ARHGAP8: variants seen among roughly 807,000 people sequenced by gnomAD.
ARHGAP8 encodes the protein Rho GTPase activating protein 8.
A neutral mutation model predicts 46.1 loss-of-function variants in ARHGAP8; 62 were observed. The ratio of observed to expected loss-of-function variants is 1.34; its 90% CI spans 1.10 to 1.66. The LOEUF (loss-of-function observed/expected upper bound fraction) is 1.66, where lower values mean the gene tolerates loss of function less well. Among genes scored for constraint, ARHGAP8 ranks in the 40% most tolerant of loss-of-function variants. The probability of loss-of-function intolerance (pLI) is 0.00; values close to 1 mark genes in which losing one functional copy is unlikely to be tolerated. For missense variants in ARHGAP8, 923 were observed against 568.4 expected (o/e 1.62, Z -6.34); for synonymous variants, 375 against 243.1 (o/e 1.54, Z -5.05).
At chr22:44,856,652 T>C (rs1427442478) in intron 10 of ARHGAP8, among the ~76,000 whole-genome samples, 1 of 144,200 alleles carries the variant, frequency 6.9e-6, no homozygotes, top group Admixed American at 6.7e-5. Flanking sequence ...TAAAGGCAAG[T>C]TCTCAGGACA....
At position 44,800,100 on chromosome 22, in the gene ARHGAP8, C is replaced by CTTTT. The variant is rs769010356; in HGVS notation, c.80-1959_80-1956dup. 2.1e-4 allele frequency among the ~76,000 whole-genome samples: 19 copies of CTTTT among 92,546 alleles called. 1 individual carries two copies. Among genetic ancestry groups the CTTTT allele is most frequent in the Non-Finnish European group, 2.4e-4 (12 of 49,172 alleles). 60.7% of individuals were successfully genotyped at this position (92,546 alleles called of 152,430 possible). The stretch of plus-strand genomic sequence containing the variant: ...CCTCTCCTTCAGGAGTCTGTTCTGT[C>CTTTT]TTTTTTTTTTTTTTTTTTTTTGAGA... On this transcript the variant is annotated intron_variant, in intron 2 of 11. Transcript: ENST00000356099.
At chr22:44,774,116 A>T (rs1029421843) in intron 1 of ARHGAP8, among the ~76,000 whole-genome samples, 4 of 152,194 alleles carry the variant, frequency 2.6e-5, no homozygotes, top group Non-Finnish European at 5.9e-5. Context: ...TGGCTGCAGG[A>T]TGCACACTCA....
intron 11 of ARHGAP8, among the ~76,000 whole-genome samples, chr22:44,861,963 C>A (rs969408263): frequency 2.0e-5 from 3 of 152,224 alleles, no homozygotes; most frequent in East Asian, 1.9e-4. Flanking sequence ...GTCTGTGCTA[C>A]AGCCCATCCC....
chr22:44,814,656 C>T lies in ARHGAP8; in HGVS notation c.300-16C>T, dbSNP rs370341190. 1.9e-6 allele frequency: 3 copies of T among 1,611,578 alleles called. No individual in the cohort carries two copies. The highest frequency in any genetic ancestry group is 1.3e-5 in the African/African-American group (1 of 74,722). ...GAGCGCGGCAGCCTGAAGTCATCCC[C>T]CGTTTCCCTCCTCAGGTACAAGAAG... On this transcript the variant is annotated splice_polypyrimidine_tract_variant and intron_variant, in intron 4 of 11. Coordinates refer to ENST00000356099, the MANE Select transcript of ARHGAP8 (RefSeq NM_181335.3).
intron 9 of ARHGAP8, 105 bp from the exon 10 acceptor site, chr22:44,848,827 T>C (rs1601518225): frequency 6.4e-7 from 1 of 1,557,282 alleles, no homozygotes; most frequent in South Asian, 1.2e-5. Flanking sequence ...CAGCATCAGG[T>C]GCGTCCCATC....
intron 1 of ARHGAP8, among the ~76,000 whole-genome samples, chr22:44,754,338 TTGTGTGTGTGTGTG>T (rs35257490): frequency 5.5e-5 from 8 of 146,624 alleles, no homozygotes; most frequent in African/African-American, 1.5e-4. Context: ...CATTGAAACT[TTGTGTGTGTGTGTG>T]TGTGTGTGTG....
At chr22:44,779,298 A>G (rs1926659128) in intron 1 of ARHGAP8, among the ~76,000 whole-genome samples, 9 of 151,806 alleles carry the variant, frequency 5.9e-5, no homozygotes, top group Admixed American at 5.9e-4. Flanking sequence ...ATGGGGTTTC[A>G]CCATGTTGAC....
At chr22:44,857,255 T>G (rs2070253341) in intron 10 of ARHGAP8, among the ~76,000 whole-genome samples, 1 of 152,090 alleles carries the variant, frequency 6.6e-6, no homozygotes, top group Non-Finnish European at 1.5e-5. Flanking sequence ...TAAGAATTCT[T>G]TCTTTTGGCC....
At chr22:44,802,197 G>A in intron 3 of ARHGAP8, 33 bp downstream of exon 3, 1 of 1,611,878 alleles carries the variant, frequency 6.2e-7, no homozygotes, top group Non-Finnish European at 8.5e-7. Context: ...TTCTGTCCCT[G>A]TCTCTCCATG....
chr22:44,804,931 G>C (rs1928830019), intron 3 of ARHGAP8, among the ~76,000 whole-genome samples: 1 of 152,192 alleles, frequency 6.6e-6, no homozygotes, highest in Non-Finnish European at 1.5e-5. Context: ...GCTGCACGGC[G>C]AGACCTGCAG....
intron 1 of ARHGAP8, chr22:44,765,992 C>T (rs1925528399): frequency 6.6e-6 from 1 of 152,352 alleles, no homozygotes; most frequent in Non-Finnish European, 1.5e-5. Flanking sequence ...GGCACTGGGG[C>T]TCCGCCTGGA....
intron 3 of ARHGAP8, among the ~76,000 whole-genome samples, chr22:44,806,152 G>T (rs1207071722): frequency 6.6e-6 from 1 of 152,202 alleles, no homozygotes; most frequent in African/African-American, 2.4e-5. Context: ...GAGGAGGAGT[G>T]AAGAGTTCTC....
At chr22:44,856,418 C>T (rs947279662) in intron 10 of ARHGAP8, among the ~76,000 whole-genome samples, 1 of 151,844 alleles carries the variant, frequency 6.6e-6, no homozygotes, top group African/African-American at 2.4e-5. Flanking sequence ...GGATTACAGG[C>T]ACCCGCCACC....
Position 44,808,457 on chromosome 22 carries a change from T to C in ARHGAP8, c.299+19T>C. On this transcript the variant is annotated intron_variant, in intron 4 of 11. Coordinates refer to ENST00000356099, the MANE Select transcript of ARHGAP8 (RefSeq NM_181335.3). ...ATAGGAAGTACGTGCCCGCAAGCCT[T>C]CAGGGACGTGGGTGTGGGCTGCTTG... is the stretch of plus-strand genomic sequence containing the variant. 1 of 1,613,036 alleles carries C rather than the reference T, an allele frequency of 6.2e-7. No homozygotes were observed. Among genetic ancestry groups the C allele is most frequent in the Non-Finnish European group, 8.5e-7 (1 of 1,179,528 alleles).
chr22:44,827,336 G>T (rs1446942014), intron 7 of ARHGAP8, among the ~76,000 whole-genome samples: 37 of 67,268 alleles, frequency 5.5e-4, no homozygotes, highest in Admixed American at 1.3e-3. Context: ...TTGGGTGGTG[G>T]TTTTTTTTTT....
intron 7 of ARHGAP8, among the ~76,000 whole-genome samples, chr22:44,835,659 A>G (rs1319946169): frequency 6.6e-6 from 1 of 152,134 alleles, no homozygotes; most frequent in Non-Finnish European, 1.5e-5. Flanking sequence ...CTCTTCAGAG[A>G]ATACAACTTT....
intron 1 of ARHGAP8, among the ~76,000 whole-genome samples, chr22:44,766,403 C>CGT (rs199946393): frequency 0.063 from 9,574 of 151,596 alleles, 447 homozygotes; most frequent in Non-Finnish European, 0.1. Context: ...TGTGTGGGCA[C>CGT]GTGTGTGTGT....
chr22:44,767,959 G>C (rs959506537), intron 1 of ARHGAP8, among the ~76,000 whole-genome samples: 1 of 119,652 alleles, frequency 8.4e-6, no homozygotes, highest in African/African-American at 3.1e-5. Context: ...TCCTAGATTT[G>C]TCAGATTTCC....
intron 7 of ARHGAP8, among the ~76,000 whole-genome samples, chr22:44,842,507 A>T (rs1220358718): frequency 6.6e-6 from 1 of 152,214 alleles, no homozygotes; most frequent in Non-Finnish European, 1.5e-5. Context: ...CACCCTCCAG[A>T]AAGGTCACGT....
Sources: gnomAD v4.1 joint callset for allele counts (sites outside exome capture counted in the v4.1 genomes callset) on GRCh38, gnomAD v4.1.1 for gene constraint, MANE v1.5 for transcripts, NCBI Gene and HGNC (gene_info 2026-07-23, HGNC 2026-07-21) for gene names.